ERICH1: variants seen among roughly 807,000 people sequenced by gnomAD.
The protein encoded by ERICH1 is glutamate-rich protein 1.
In ERICH1, 56 loss-of-function variants were observed where a neutral mutation model predicts 39.6. The ratio of observed to expected loss-of-function variants is 1.41; its 90% CI spans 1.14 to 1.77. The LOEUF (loss-of-function observed/expected upper bound fraction) is 1.77. Ranked by LOEUF, ERICH1 falls within the 40% of genes most tolerant of loss-of-function variation. The probability of loss-of-function intolerance (pLI) is 0.00; values close to 1 mark genes in which losing one functional copy is unlikely to be tolerated. For missense variants in ERICH1, 826 were observed against 575.4 expected, an observed-to-expected ratio of 1.44 and a Z score of -4.45; for synonymous variants, 313 against 223.6, an observed-to-expected ratio of 1.40 and a Z score of -3.57.
intron 3 of ERICH1, among the ~76,000 whole-genome samples, chr8:682,281 G>C (rs948941158): frequency 6.6e-6 from 1 of 152,158 alleles, no homozygotes; most frequent in African/African-American, 2.4e-5. Context: ...CTCAGCTTTA[G>C]TGAGGAACAC....
chr8:692,174 G>A (rs1809043339), intron 3 of ERICH1, among the ~76,000 whole-genome samples: 2 of 152,098 alleles, frequency 1.3e-5, no homozygotes, highest in Admixed American at 1.3e-4. Flanking sequence ...TTATTTAATG[G>A]TATTTAATAT....
At chr8:629,355 C>T (rs1452046388) in intron 3 of ERICH1, among the ~76,000 whole-genome samples, 2 of 147,064 alleles carry the variant, frequency 1.4e-5, no homozygotes, top group African/African-American at 5.3e-5. Context: ...TGTGACCACC[C>T]ACACACACAG....
intron 3 of ERICH1, among the ~76,000 whole-genome samples, chr8:618,189 T>G (rs1669656): frequency 1.3e-5 from 2 of 150,790 alleles, no homozygotes; most frequent in Non-Finnish European, 3.0e-5. Flanking sequence ...CTGTTCTCAC[T>G]GCCCTCTGAG....
intron 3 of ERICH1, among the ~76,000 whole-genome samples, chr8:620,680 T>C (rs1204168607): frequency 1.3e-5 from 2 of 152,192 alleles, no homozygotes; most frequent in Admixed American, 1.3e-4. Flanking sequence ...AAACAGACTT[T>C]AAAACAGAAA....
At chr8:707,247 A>G (rs1413988488) in intron 2 of ERICH1, among the ~76,000 whole-genome samples, 4 of 141,294 alleles carry the variant, frequency 2.8e-5, no homozygotes, top group Admixed American at 7.6e-5. Flanking sequence ...TCACTCTATC[A>G]CCCAGGCTGG....
At chr8:728,934 A>T (rs1198915901) in intron 1 of ERICH1, among the ~76,000 whole-genome samples, 1 of 151,864 alleles carries the variant, frequency 6.6e-6, no homozygotes, top group African/African-American at 2.4e-5. Context: ...GAAAAAAAAA[A>T]TGCTTAGAAT....
chr8:678,478 T>C (rs562692973), intron 3 of ERICH1, among the ~76,000 whole-genome samples: 1 of 152,294 alleles, frequency 6.6e-6, no homozygotes, highest in African/African-American at 2.4e-5. Context: ...TCTTAAAAAA[T>C]GAGTCTAGTT....
Position 708,681 on chromosome 8 carries a change from G to GTTTTTTGTTTTTTTTTTTTTTT in ERICH1, c.169+7179_169+7180insAAAAAAAAAAAAAAACAAAAAA. Among the ~76,000 whole-genome samples, 127 of 65,770 alleles carry GTTTTTTGTTTTTTTTTTTTTTT rather than the reference G, an allele frequency of 1.9e-3. 10 individuals are homozygous for GTTTTTTGTTTTTTTTTTTTTTT. Among genetic ancestry groups the GTTTTTTGTTTTTTTTTTTTTTT allele is most frequent in the South Asian group, 3.1e-3 (5 of 1,616 alleles). The allele number at this position is 65,770 out of a possible 152,430, so 43.1% of individuals were successfully genotyped here. A position where few individuals can be genotyped will look rare whatever the true frequency, so the allele number is the denominator to read the frequency against. ...GGGCTGAGTGGTTACGGGATAATGA[G>GTTTTTTGTTTTTTTTTTTTTTT]TTTTTTTTTTTTTTTTTTTTTTTTT... is the stretch of plus-strand genomic sequence containing the variant. On this transcript the variant is annotated intron_variant, in intron 2 of 5. Transcript: ENST00000262109.
At position 673,541 on chromosome 8, in the gene ERICH1, C is replaced by G; in HGVS notation, c.811G>C (p.Glu271Gln). Reference protein sequence around the residue: ...AGEEDVKDAREEDGVDTIEED... With the variant: ...AGEEDVKDARQEDGVDTIEED... ...TCAATGGTGTCCACACCGTCCTCCT[C>G]CCTGGCGTCTTTAACGTCTTCCTCC... Residue 271 changes from glutamate to glutamine, a missense_variant, in exon 4 of 6, where the codon GAG (glutamate) becomes CAG (glutamine). Physicochemically the swap from Glu to Gln is conservative, Grantham distance 29. Coordinates refer to ENST00000262109, the MANE Select transcript of ERICH1 (RefSeq NM_207332.3). 2 of 1,613,062 alleles carry G rather than the reference C, an allele frequency of 1.2e-6. No homozygotes were observed. Among genetic ancestry groups the G allele is most frequent in the Non-Finnish European group, 8.5e-7 (1 of 1,179,828 alleles).
intron 3 of ERICH1, among the ~76,000 whole-genome samples, chr8:634,659 C>A (rs1053394035): frequency 3.3e-5 from 5 of 151,862 alleles, no homozygotes; most frequent in Admixed American, 2.6e-4. Flanking sequence ...CCGGACCAGC[C>A]CCCACGATGG....
intron 1 of ERICH1, among the ~76,000 whole-genome samples, chr8:728,753 T>C (rs1366445682): frequency 1.3e-5 from 2 of 152,170 alleles, no homozygotes; most frequent in South Asian, 2.1e-4. Flanking sequence ...TCCGGTGCTA[T>C]ACTTACACTA....
rs369979495 is a variant in ERICH1, at chr8:634,275, C to T, written c.977-18991G>A. 3.9e-5 allele frequency among the ~76,000 whole-genome samples: 6 copies of T among 152,136 alleles called. No individual in the cohort carries two copies. The East Asian group carries it at 7.7e-4, about 20-fold the overall frequency. ...GACACACAAGTAGCTGATAAATCCA[C>T]GAAGCGGTGCTCACCTCACCCGTTG... On this transcript the variant is annotated intron_variant, in intron 3 of 3. Coordinates refer to the ERICH1 transcript ENST00000522706.
In ERICH1 at chr8:716,120, C is replaced by T. The variant is rs935493555; in HGVS notation, c.23-113G>A. The T allele has an allele frequency of 6.6e-5, 88 of 1,326,682 alleles. 2 individuals carry two copies. The Admixed American group carries it at 2.2e-3, about 33-fold the overall frequency. The allele number at this position is 1,326,682 out of a possible 1,614,324, so 82.2% of individuals were successfully genotyped here. A position where few individuals can be genotyped will look rare whatever the true frequency, so the allele number is the denominator to read the frequency against. On this transcript the variant is annotated intron_variant, in intron 1 of 5. Coordinates refer to ENST00000262109, the MANE Select transcript of ERICH1 (RefSeq NM_207332.3). ...AACACACACATCCTGAAAGCACCAA[C>T]GGAGACCCAAGTCCCTGGTCCTCCC...
At chr8:730,641 T>G (rs1819768552) in intron 1 of ERICH1, among the ~76,000 whole-genome samples, 1 of 152,210 alleles carries the variant, frequency 6.6e-6, no homozygotes, top group African/African-American at 2.4e-5. Context: ...TAATAAGCAC[T>G]AGGATGCGCC....
intron 3 of ERICH1, among the ~76,000 whole-genome samples, chr8:686,121 C>T (rs1374952094): frequency 6.6e-6 from 1 of 152,168 alleles, no homozygotes; most frequent in South Asian, 2.1e-4. Flanking sequence ...CGCCACTGCA[C>T]TCCAGCTGGG....
chr8:678,377 A>G (rs1032062593), intron 3 of ERICH1, among the ~76,000 whole-genome samples: 1 of 151,342 alleles, frequency 6.6e-6, no homozygotes, highest in Non-Finnish European at 1.5e-5. Context: ...CATGCAAATC[A>G]GTTAATCCGT....
At chr8:622,729 G>A (rs1352855497) in intron 3 of ERICH1, among the ~76,000 whole-genome samples, 2 of 152,118 alleles carry the variant, frequency 1.3e-5, no homozygotes, top group Non-Finnish European at 2.9e-5. Flanking sequence ...GAGGTGGGAG[G>A]ATCACTTGAG....
chr8:626,427 A>T (rs1213343379), intron 3 of ERICH1: 2 of 152,260 alleles, frequency 1.3e-5, no homozygotes, highest in African/African-American at 4.8e-5. Context: ...GGGTGGGGTC[A>T]TTGTGAGTGG....
At chr8:661,349 A>C (rs2131746643), downstream of ERICH1, among the ~76,000 whole-genome samples, 1 of 152,214 alleles carries the variant, frequency 6.6e-6, no homozygotes, top group Admixed American at 6.5e-5. Flanking sequence ...GGGCCTGGGA[A>C]ACAAATTAGA....
Sources: allele counts gnomAD v4.1 joint callset (sites outside exome capture counted in the v4.1 genomes callset), GRCh38; gene constraint gnomAD v4.1.1; transcripts MANE v1.5; gene names NCBI Gene and HGNC (gene_info 2026-07-23, HGNC 2026-07-21).